Variants in IFT74 observed in about 807,000 individuals in gnomAD.
IFT74 encodes intraflagellar transport protein 74 homolog.
A neutral mutation model predicts 96.7 loss-of-function variants in IFT74; 92 were observed. The observed-to-expected ratio is 0.95, with a 90% CI of 0.80 to 1.13. The LOEUF is 1.13. Among genes scored for constraint, IFT74 ranks in the 50% most tolerant of loss-of-function variants. The pLI, the probability that IFT74 is intolerant of heterozygous loss-of-function variation, is 0.00. For missense variants in IFT74, 811 were observed against 698.2 expected (o/e 1.16, Z -1.82); for synonymous variants, 223 against 213.2 (o/e 1.05, Z -0.40).
chr9:27,025,650 A>ATC (rs1170582410), intron 12 of IFT74, among the ~76,000 whole-genome samples: 5 of 152,242 alleles, frequency 3.3e-5, no homozygotes. Flanking sequence ...TTCTTAGCAG[A>ATC]AACCCTACAA....
At chr9:27,008,560 G>T (rs148209025) in intron 8 of IFT74, among the ~76,000 whole-genome samples, 7 of 151,858 alleles carry the variant, frequency 4.6e-5, no homozygotes, top group Admixed American at 1.3e-4. Context: ...GTGTTTTGTC[G>T]TGTTGCCCAG....
intron 18 of IFT74, among the ~76,000 whole-genome samples, chr9:27,057,019 A>G (rs1282947016): frequency 6.6e-6 from 1 of 152,146 alleles, no homozygotes; most frequent in East Asian, 1.9e-4. Context: ...ATGATTAACT[A>G]TACATCATAA....
At chr9:27,054,633 T>G (rs1258680602) in intron 16 of IFT74, among the ~76,000 whole-genome samples, 2 of 152,196 alleles carry the variant, frequency 1.3e-5, no homozygotes, top group Non-Finnish European at 2.9e-5. Flanking sequence ...AAAGTTACTT[T>G]GTACCCCCCA....
At position 26,968,284 on chromosome 9, in the gene IFT74, T is replaced by G. The variant is rs1013742883; in HGVS notation, c.120+6197T>G. 4.2e-4 allele frequency among the ~76,000 whole-genome samples: 63 copies of G among 149,810 alleles called. 2 individuals are homozygous for G. The highest frequency in any genetic ancestry group is 1.6e-3 in the African/African-American group (63 of 40,414). Reference sequence around the variant, plus strand: ...AAAAAAATTTTTTTTTTTTTTGAGATGTAATCTCGCTCTGTTGCCCAGGCT... The same window carrying G: ...AAAAAAATTTTTTTTTTTTTTGAGAGGTAATCTCGCTCTGTTGCCCAGGCT... On this transcript the variant is annotated intron_variant, in intron 2 of 19. Coordinates refer to ENST00000380062, the MANE Select transcript of IFT74 (RefSeq NM_025103.4).
intron 2 of IFT74, among the ~76,000 whole-genome samples, chr9:26,965,469 G>A (rs17756221): frequency 3.7e-4 from 56 of 152,016 alleles, no homozygotes; most frequent in African/African-American, 1.0e-3. Flanking sequence ...TTAGGACATC[G>A]TCATCAACTT....
chr9:26,959,256 T>C (rs1826250348), intron 1 of IFT74, among the ~76,000 whole-genome samples: 1 of 152,026 alleles, frequency 6.6e-6, no homozygotes, highest in Admixed American at 6.6e-5. Flanking sequence ...CTACAGACAC[T>C]CGCCACCACA....
At chr9:27,007,531 G>A (rs1314791665) in intron 8 of IFT74, among the ~76,000 whole-genome samples, 3 of 152,192 alleles carry the variant, frequency 2.0e-5, no homozygotes, top group Non-Finnish European at 4.4e-5. Context: ...AGCTCCAAGT[G>A]AAGATACCAC....
chr9:27,034,852 A>G (rs1275472697), intron 13 of IFT74, among the ~76,000 whole-genome samples: 2 of 152,136 alleles, frequency 1.3e-5, no homozygotes, highest in Non-Finnish European at 2.9e-5. Flanking sequence ...TTTTAAGCAC[A>G]TGTCCTGTTA....
intron 4 of IFT74, among the ~76,000 whole-genome samples, chr9:26,981,164 C>T (rs1194750844): frequency 6.6e-6 from 1 of 152,184 alleles, no homozygotes; most frequent in Non-Finnish European, 1.5e-5. Flanking sequence ...AAGTCCCTAC[C>T]TCTTAATACT....
chr9:27,021,680 A>AT (rs942599072), intron 12 of IFT74, among the ~76,000 whole-genome samples: 7 of 150,364 alleles, frequency 4.7e-5, no homozygotes, highest in South Asian at 2.1e-4. Context: ...TTTTTATGGG[A>AT]TTTTTTTTTC....
intron 1 of IFT74, among the ~76,000 whole-genome samples, chr9:26,948,448 A>ATTATTATTATTATTTTTTTTT (rs1825819541): frequency 3.4e-5 from 2 of 59,162 alleles, no homozygotes; most frequent in African/African-American, 5.4e-5. Flanking sequence ...GCTTTCCATT[A>ATTATTATTATTATTTTTTTTT]TTTTTTTTTT....
At chr9:26,970,367 A>G (rs150319959) in intron 2 of IFT74, among the ~76,000 whole-genome samples, 21 of 152,280 alleles carry the variant, frequency 1.4e-4, no homozygotes, top group Admixed American at 3.9e-4. Context: ...ACATACATAC[A>G]CAGTTTGTAT....
At chr9:27,055,371 C>T (rs1820115763) in intron 16 of IFT74, among the ~76,000 whole-genome samples, 1 of 152,042 alleles carries the variant, frequency 6.6e-6, no homozygotes, top group South Asian at 2.1e-4. Context: ...ATGGAGACAG[C>T]TGTGGCTAAT....
At chr9:26,947,630 G>A (rs1405441082) in intron 1 of IFT74, among the ~76,000 whole-genome samples, 1 of 152,210 alleles carries the variant, frequency 6.6e-6, no homozygotes, top group Non-Finnish European at 1.5e-5. Context: ...CATCCTCACT[G>A]CTTTTCCCTG....
intron 13 of IFT74, among the ~76,000 whole-genome samples, chr9:27,029,978 C>T (rs1830047323): frequency 6.6e-6 from 1 of 151,910 alleles, no homozygotes; most frequent in African/African-American, 2.4e-5. Flanking sequence ...ACCAGAACAC[C>T]TGAGGGAGCT....
chr9:26,987,052 T>C (rs1203841097), intron 6 of IFT74, among the ~76,000 whole-genome samples: 1 of 152,128 alleles, frequency 6.6e-6, no homozygotes, highest in African/African-American at 2.4e-5. Flanking sequence ...TTTTTTTTTG[T>C]TTTTTTGTTC....
intron 1 of IFT74, among the ~76,000 whole-genome samples, chr9:26,947,888 C>G (rs1267551112): frequency 6.6e-6 from 1 of 152,088 alleles, no homozygotes; most frequent in Non-Finnish European, 1.5e-5. Context: ...AGCTGAGATA[C>G]GTATTTTTAA....
Position 27,055,682 on chromosome 9 carries a change from T to C in IFT74, c.1407T>C (p.Ser469=), listed in dbSNP as rs375262253. 8.2e-6 allele frequency: 13 copies of C among 1,593,406 alleles called. No homozygotes were observed. The highest frequency in any genetic ancestry group is 1.0e-5 in the Non-Finnish European group (12 of 1,172,276). ...GTAAGATGACTGAAGAACAGCATTC[T>C]CTAAAAAGCAAAATTAAGCAAATGA... ...LESKMTEEQH[S]LKSKIKQMTT... is the part of the protein sequence containing the mutation. The change falls in exon 17 of 20, where the codon TCT becomes TCC. Residue 469 remains serine (S), a synonymous_variant. Coordinates refer to ENST00000380062, the MANE Select transcript of IFT74 (RefSeq NM_025103.4).
At chr9:26,987,412 A>T (rs980059995) in intron 6 of IFT74, among the ~76,000 whole-genome samples, 3 of 152,148 alleles carry the variant, frequency 2.0e-5, no homozygotes, top group African/African-American at 7.2e-5. Context: ...TTTTAAAGGT[A>T]TGAAATGACA....
Sources: allele counts gnomAD v4.1 joint callset (sites outside exome capture counted in the v4.1 genomes callset), GRCh38; gene constraint gnomAD v4.1.1; transcripts MANE v1.5; gene names NCBI Gene and HGNC (gene_info 2026-07-23, HGNC 2026-07-21).